Variants in MALRD1 observed in about 807,000 individuals in gnomAD.
The protein encoded by MALRD1 is MAM and LDL receptor class A domain containing 1, also known as MAM and LDL-receptor class A domain-containing protein 1.
Under a neutral mutation model 242.1 loss-of-function variants are expected in MALRD1, and 247 were observed. The ratio of observed to expected loss-of-function variants is 1.02; its 90% CI spans 0.92 to 1.13. The LOEUF is 1.13. MALRD1 is among the 50% of genes most tolerant of loss of function. The pLI, the probability that MALRD1 is intolerant of heterozygous loss-of-function variation, is 0.00. For synonymous variants in MALRD1, 995 were observed against 866.6 expected (o/e 1.15, Z -2.60); for missense variants, 2,989 against 2,533.1 (o/e 1.18, Z -3.86).
intron 1 of MALRD1, among the ~76,000 whole-genome samples, chr10:19,059,042 T>C (rs1177149472): frequency 6.6e-6 from 1 of 152,144 alleles, no homozygotes; most frequent in Admixed American, 6.5e-5. Flanking sequence ...ATGCAAAAAG[T>C]CTCCTTACAA....
chr10:19,100,558 T>C (rs539327643), intron 4 of MALRD1, among the ~76,000 whole-genome samples: 62 of 152,316 alleles, frequency 4.1e-4, no homozygotes, highest in African/African-American at 1.4e-3. Context: ...AAGGTCATTT[T>C]GGAGTTTTGA....
chr10:19,431,873 A>G (rs1189508574), intron 28 of MALRD1, among the ~76,000 whole-genome samples: 1 of 152,216 alleles, frequency 6.6e-6, no homozygotes, highest in Non-Finnish European at 1.5e-5. Context: ...ACAATCATTC[A>G]TAACTGACAC....
chr10:19,362,485 A>G (rs913972142), intron 26 of MALRD1, among the ~76,000 whole-genome samples: 1 of 152,154 alleles, frequency 6.6e-6, no homozygotes, highest in African/African-American at 2.4e-5. Flanking sequence ...TGAAGGAGAT[A>G]TGGAAATTAG....
rs996580404 is a variant in MALRD1, at chr10:19,159,239, T to A, written c.1656+4067T>A. Reference sequence around the variant, plus strand: ...GGTGAGGGATGTGTGTGTGTGTCTGTGTGTTTATGTATGTGATGAATGATC... The same window carrying A: ...GGTGAGGGATGTGTGTGTGTGTCTGAGTGTTTATGTATGTGATGAATGATC... On this transcript the variant is annotated intron_variant, in intron 12 of 39. Transcript: ENST00000454679. Among the ~76,000 whole-genome samples, 4 of 152,186 alleles carry A rather than the reference T, an allele frequency of 2.6e-5. No homozygotes were observed. In the East Asian group the frequency reaches 7.7e-4, roughly 29 times the overall value.
chr10:19,373,829 T>C (rs1845489199), intron 26 of MALRD1, among the ~76,000 whole-genome samples: 2 of 152,304 alleles, frequency 1.3e-5, no homozygotes, highest in East Asian at 3.9e-4. Flanking sequence ...GGCTTTAACT[T>C]GGAAACTGAA....
chr10:19,055,940 G>A (rs1834651448), intron 1 of MALRD1, among the ~76,000 whole-genome samples: 1 of 152,140 alleles, frequency 6.6e-6, no homozygotes, highest in Non-Finnish European at 1.5e-5. Flanking sequence ...AAACCCTCAT[G>A]ACACACAACT....
chr10:19,261,779 T>C (rs1024245108), intron 19 of MALRD1, among the ~76,000 whole-genome samples: 4 of 121,984 alleles, frequency 3.3e-5, no homozygotes, highest in South Asian at 5.1e-4. Flanking sequence ...ATCAACCTTT[T>C]CCCCTCGTGC....
chr10:19,312,356 A>C (rs567821373), intron 21 of MALRD1, among the ~76,000 whole-genome samples: 1 of 148,290 alleles, frequency 6.7e-6, no homozygotes, highest in Non-Finnish European at 1.5e-5. Flanking sequence ...CCTCTGGTTC[A>C]GTACAGGGCA....
intron 24 of MALRD1, among the ~76,000 whole-genome samples, chr10:19,341,375 T>C (rs1437686480): frequency 6.6e-6 from 1 of 151,164 alleles, no homozygotes; most frequent in Non-Finnish European, 1.5e-5. Flanking sequence ...GGAGTTTCCA[T>C]TCTGACTGTT....
intron 26 of MALRD1, among the ~76,000 whole-genome samples, chr10:19,371,171 C>A (rs1347819949): frequency 6.6e-6 from 1 of 151,390 alleles, no homozygotes; most frequent in Non-Finnish European, 1.5e-5. Context: ...ATCACTTGAG[C>A]CCAGGAGTTG....
chr10:19,305,750 GAGAGT>G (rs1440057491), intron 21 of MALRD1, among the ~76,000 whole-genome samples: 18 of 144,406 alleles, frequency 1.2e-4, no homozygotes, highest in African/African-American at 4.6e-4. Context: ...TCTATATACA[GAGAGT>G]ATAGTATATA....
At chr10:19,727,347 C>A (rs1292702901) in intron 38 of MALRD1, among the ~76,000 whole-genome samples, 2 of 151,978 alleles carry the variant, frequency 1.3e-5, no homozygotes, top group South Asian at 2.1e-4. Context: ...CACTTCCATG[C>A]TTTTATCAAC....
At chr10:19,425,337 A>C (rs750935052) in intron 28 of MALRD1, among the ~76,000 whole-genome samples, 1 of 152,120 alleles carries the variant, frequency 6.6e-6, no homozygotes, top group African/African-American at 2.4e-5. Context: ...TTTATTCATC[A>C]TCAGTGAGTC....
intron 21 of MALRD1, among the ~76,000 whole-genome samples, chr10:19,292,762 G>C (rs757119583): frequency 1.3e-5 from 2 of 151,630 alleles, no homozygotes; most frequent in African/African-American, 2.4e-5. Context: ...GCATGGTGGC[G>C]GGCGCCTGTA....
At chr10:19,312,378 G>GTA (rs112120220) in intron 21 of MALRD1, among the ~76,000 whole-genome samples, 68,196 of 137,200 alleles carry the variant, frequency 0.5, 16,471 homozygotes, top group East Asian at 0.54. Context: ...AGAGGAATGT[G>GTA]TATATATATA....
chr10:19,461,164 G>T (rs1835921709), intron 29 of MALRD1, among the ~76,000 whole-genome samples: 1 of 152,106 alleles, frequency 6.6e-6, no homozygotes, highest in Admixed American at 6.5e-5. Context: ...ACTAGACCCA[G>T]CATATACACA....
chr10:19,614,700 A>G (rs1289368027), intron 35 of MALRD1, among the ~76,000 whole-genome samples: 2 of 152,018 alleles, frequency 1.3e-5, no homozygotes, highest in Non-Finnish European at 2.9e-5. Flanking sequence ...TTTTTAACCT[A>G]TAAGTAAACC....
At chr10:19,385,932 T>A (rs1846052478) in intron 26 of MALRD1, among the ~76,000 whole-genome samples, 2 of 152,134 alleles carry the variant, frequency 1.3e-5, no homozygotes, top group Non-Finnish European at 1.5e-5. Context: ...TTTCATTTCA[T>A]AAAATATTAA....
intron 31 of MALRD1, among the ~76,000 whole-genome samples, chr10:19,499,451 A>T (rs2131249915): frequency 6.6e-6 from 1 of 152,018 alleles, no homozygotes; most frequent in African/African-American, 2.4e-5. Flanking sequence ...AATAGAAAAA[A>T]AAAAAAAAAA....
Sources: gnomAD v4.1 joint callset for allele counts (sites outside exome capture counted in the v4.1 genomes callset) on GRCh38, gnomAD v4.1.1 for gene constraint, MANE v1.5 for transcripts, NCBI Gene and HGNC (gene_info 2026-07-23, HGNC 2026-07-21) for gene names.